The following TAF3 variants were observed in gnomAD, a reference collection of about 807,000 sequenced individuals.
The protein encoded by TAF3 is transcription initiation factor TFIID subunit 3.
In TAF3, 7 loss-of-function variants were observed where a neutral mutation model predicts 80.6. The ratio of observed to expected loss-of-function variants is 0.09; its 90% CI spans 0.05 to 0.16. TAF3 has a LOEUF of 0.16. TAF3 is among the 10% of genes least tolerant of loss of function. TAF3 has a pLI of 1.00. For synonymous variants in TAF3, 444 were observed against 446.1 expected, an observed-to-expected ratio of 1.00 and a Z score of 0.06; for missense variants, 921 against 1,140.2, an observed-to-expected ratio of 0.81 and a Z score of 2.77.
chr10:7,898,054 C>T (rs1310061265), intron 2 of TAF3, among the ~76,000 whole-genome samples: 1 of 151,898 alleles, frequency 6.6e-6, no homozygotes, highest in East Asian at 1.9e-4. Context: ...ATGTCTTTGC[C>T]TTTTATTATT....
Position 7,912,815 on chromosome 10 carries a change from C to T in TAF3, c.410-51105C>T, listed in dbSNP as rs562241355. Among the ~76,000 whole-genome samples, 21 of 152,026 alleles carry T rather than the reference C, an allele frequency of 1.4e-4. No individual in the cohort carries two copies. In the East Asian group the frequency reaches 3.9e-3, roughly 28 times the overall value. On this transcript the variant is annotated intron_variant, in intron 2 of 6. Transcript: ENST00000344293. ...CTGTGGCTGTAGAAACGCTGTTTGG[C>T]GAGGCACTGGTGCTTTTTTTCCTTT...
intron 2 of TAF3, among the ~76,000 whole-genome samples, chr10:7,843,410 ACAGT>A (rs1229305035): frequency 3.3e-5 from 5 of 152,080 alleles, no homozygotes; most frequent in African/African-American, 1.2e-4. Context: ...TTCCCAGCTT[ACAGT>A]CATCTTTTAA....
intron 4 of TAF3, among the ~76,000 whole-genome samples, chr10:7,979,592 G>A (rs1185463947): frequency 6.6e-6 from 1 of 152,090 alleles, no homozygotes; most frequent in Non-Finnish European, 1.5e-5. Context: ...TATATATCAT[G>A]TAAACTTTCA....
chr10:8,001,163 C>T (rs754161328), intron 4 of TAF3, among the ~76,000 whole-genome samples: 6 of 152,246 alleles, frequency 3.9e-5, no homozygotes, highest in Middle Eastern at 3.4e-3. Flanking sequence ...TCTAATGTTG[C>T]CTCAGGATAC....
chr10:7,922,031 G>T (rs1241596283), intron 2 of TAF3, among the ~76,000 whole-genome samples: 1 of 152,040 alleles, frequency 6.6e-6, no homozygotes, highest in Non-Finnish European at 1.5e-5. Flanking sequence ...AATTGGAATA[G>T]ATTATGTTCG....
At chr10:7,891,644 A>T (rs1588540958) in intron 2 of TAF3, among the ~76,000 whole-genome samples, 1 of 152,158 alleles carries the variant, frequency 6.6e-6, no homozygotes, top group East Asian at 1.9e-4. Context: ...TTTTCTTAAG[A>T]TATTTGATTA....
intron 2 of TAF3, among the ~76,000 whole-genome samples, chr10:7,897,995 T>A (rs893531801): frequency 1.3e-5 from 2 of 152,204 alleles, no homozygotes; most frequent in Admixed American, 6.5e-5. Flanking sequence ...ATTGGTTGGA[T>A]GTTGAATCTC....
Position 7,863,624 on chromosome 10 carries a change from A to ATATAT in TAF3, c.409+39064_409+39065insTATAT, listed in dbSNP as rs1449874157. On this transcript the variant is annotated intron_variant, in intron 2 of 6. Coordinates refer to ENST00000344293, the MANE Select transcript of TAF3 (RefSeq NM_031923.4). Reference sequence around the variant, plus strand: ...AACTCTGTCTAAAAAAAAAAAAAAAAAAATATATATATATATATATATACA... The same window carrying ATATAT: ...AACTCTGTCTAAAAAAAAAAAAAAAATATATAAATATATATATATATATATATACA... Among the ~76,000 whole-genome samples the ATATAT allele has an allele frequency of 4.5e-4, 26 of 58,088 alleles. 1 individual carries two copies. The East Asian group carries it at 4.8e-3, about 11-fold the overall frequency. The allele number at this position is 58,088 out of a possible 152,430, so 38.1% of individuals were successfully genotyped here. A position where few individuals can be genotyped will look rare whatever the true frequency, so the allele number is the denominator to read the frequency against.
chr10:7,898,820 T>C (rs1837531645), intron 2 of TAF3, among the ~76,000 whole-genome samples: 1 of 152,150 alleles, frequency 6.6e-6, no homozygotes, highest in African/African-American at 2.4e-5. Context: ...TTGAGTTTTT[T>C]TTTTCTCTTT....
At chr10:7,972,322 A>T (rs1490339868) in intron 3 of TAF3, among the ~76,000 whole-genome samples, 2 of 152,238 alleles carry the variant, frequency 1.3e-5, no homozygotes, top group African/African-American at 4.8e-5. Flanking sequence ...TACTTTCTGT[A>T]TGTATATTAT....
At position 7,964,301 on chromosome 10, in the gene TAF3, A is replaced by T; in HGVS notation, c.791A>T (p.Glu264Val). The change falls in exon 3 of 7, where the codon GAA (glutamate) becomes GTA (valine). Residue 264 changes from glutamate (E) to valine (V), a missense_variant. Glu to Val is a moderately radical substitution (Grantham distance 121). Coordinates refer to ENST00000344293, the MANE Select transcript of TAF3 (RefSeq NM_031923.4). The surrounding 1 kb of genome is among the most constrained non-coding windows in gnomAD (Gnocchi z 4.1). ...CAAATGCCAACTGCAAAACCATTAGAAACAAAGTCATTTACACCTAAAACA... is the reference window on the plus strand; with the variant it reads ...CAAATGCCAACTGCAAAACCATTAGTAACAAAGTCATTTACACCTAAAACA... ...KSQMPTAKPL[E>V]TKSFTPKTKT... is the part of the protein sequence containing the mutation. 6.2e-7 allele frequency: 1 copy of T among 1,614,208 alleles called. No homozygotes were observed.
At chr10:7,944,840 A>G (rs1838009280) in intron 2 of TAF3, among the ~76,000 whole-genome samples, 1 of 152,188 alleles carries the variant, frequency 6.6e-6, no homozygotes. Flanking sequence ...TTTTGGGACA[A>G]TTATTCAGAG....
intron 2 of TAF3, among the ~76,000 whole-genome samples, chr10:7,899,010 AGGTTTTTTCTTTTATTCTAGG>A (rs1228748353): frequency 2.0e-5 from 3 of 152,104 alleles, no homozygotes; most frequent in Non-Finnish European, 4.4e-5. Context: ...CAGTTCCCAT[AGGTTTTTTCTTTTATTCTAGG>A]TGAGATTCCC....
chr10:7,964,912 G>T lies in TAF3; in HGVS notation c.1402G>T (p.Ala468Ser). 6.2e-7 allele frequency: 1 copy of T among 1,614,130 alleles called. No individual in the cohort carries two copies. Among genetic ancestry groups the T allele is most frequent in the Non-Finnish European group, 8.5e-7 (1 of 1,180,028 alleles). The change falls in exon 3 of 7, where the codon GCC becomes TCC. Residue 468 changes from alanine to serine, a missense_variant. Ala to Ser is a moderately conservative substitution (Grantham distance 99). Transcript: ENST00000344293. The surrounding 1 kb of genome is among the most constrained non-coding windows in gnomAD (Gnocchi z 4.1). ...TTCCGATAACTCATGGACAATGGAT[G>T]CCTCCATTGATGAGGTTGTACGTAA... Reference protein sequence around the residue: ...SSSDNSWTMDASIDEVVRKAK... With the variant: ...SSSDNSWTMDSSIDEVVRKAK...
At chr10:7,990,190 G>T (rs781216058) in intron 4 of TAF3, among the ~76,000 whole-genome samples, 1 of 152,140 alleles carries the variant, frequency 6.6e-6, no homozygotes, top group Non-Finnish European at 1.5e-5. Flanking sequence ...ATATGAATAC[G>T]TGAGTTCTGC....
At chr10:7,886,550 C>G (rs1300855096) in intron 2 of TAF3, among the ~76,000 whole-genome samples, 1 of 152,184 alleles carries the variant, frequency 6.6e-6, no homozygotes, top group African/African-American at 2.4e-5. Flanking sequence ...GGCTATATGA[C>G]ATTGTGAAGA....
At chr10:8,005,080 T>C (rs1464023218) in intron 4 of TAF3, among the ~76,000 whole-genome samples, 1 of 152,226 alleles carries the variant, frequency 6.6e-6, no homozygotes, top group Non-Finnish European at 1.5e-5. Context: ...AAGGTCTGTT[T>C]GGTTCTTTTC....
intron 2 of TAF3, among the ~76,000 whole-genome samples, chr10:7,918,012 C>T (rs533270060): frequency 2.6e-5 from 4 of 152,090 alleles, no homozygotes; most frequent in South Asian, 2.1e-4. Flanking sequence ...GTAGCTGGGC[C>T]GGGGCATTTG....
intron 2 of TAF3, among the ~76,000 whole-genome samples, chr10:7,930,487 A>G (rs903044763): frequency 1.3e-5 from 2 of 152,208 alleles, no homozygotes; most frequent in African/African-American, 4.8e-5. Flanking sequence ...CAAAAGGTAA[A>G]TGTATATGTT....
Sources: gnomAD v4.1 joint callset for allele counts (sites outside exome capture counted in the v4.1 genomes callset) on GRCh38, gnomAD v4.1.1 for gene constraint, Gnocchi (gnomAD v3.1) non-coding constraint, MANE v1.5 for transcripts, NCBI Gene and HGNC (gene_info 2026-07-23, HGNC 2026-07-21) for gene names.